The following LMX1B variants were observed in gnomAD, a reference collection of about 807,000 sequenced individuals.
The protein encoded by LMX1B is LIM homeobox transcription factor 1-beta.
A neutral mutation model predicts 51.4 loss-of-function variants in LMX1B; 12 were observed. The ratio of observed to expected loss-of-function variants is 0.23; its 90% CI spans 0.15 to 0.38. The LOEUF (loss-of-function observed/expected upper bound fraction) is 0.38, where lower values mean the gene tolerates loss of function less well. LMX1B is among the 10% of genes least tolerant of loss of function. The pLI is 1.00. For synonymous variants in LMX1B, 237 were observed against 235.4 expected (o/e 1.01, Z -0.06); for missense variants, 445 against 571.1 (o/e 0.78, Z 2.25).
chr9:126,697,079 C>T lies in LMX1B; in HGVS notation c.*628C>T, dbSNP rs1344881492. The T allele has an allele frequency of 4.4e-5, 7 of 158,624 alleles. No individual in the cohort carries two copies. The highest frequency in any genetic ancestry group is 1.9e-4 in the East Asian group (1 of 5,336). The allele number at this position is 158,624 out of a possible 1,614,324, so 9.8% of individuals were successfully genotyped here. On this transcript the variant is annotated 3_prime_UTR_variant, in exon 8 of 8. Transcript: ENST00000373474. Reference sequence around the variant, plus strand: ...ACATGCACACTTGCAGACAAACCCACGCAAACACACACACAGCTGTATGGG... The same window carrying T: ...ACATGCACACTTGCAGACAAACCCATGCAAACACACACACAGCTGTATGGG...
intron 2 of LMX1B, among the ~76,000 whole-genome samples, chr9:126,683,527 C>A (rs1836716413): frequency 6.6e-6 from 1 of 152,210 alleles, no homozygotes; most frequent in Non-Finnish European, 1.5e-5. Flanking sequence ...AGCCGTGACC[C>A]CCAGAGTGTC....
chr9:126,619,859 G>A (rs974231110), intron 2 of LMX1B, among the ~76,000 whole-genome samples: 3 of 152,172 alleles, frequency 2.0e-5, no homozygotes, highest in Non-Finnish European at 4.4e-5. Flanking sequence ...TGGGGTATGT[G>A]ATTGGTGACT....
chr9:126,675,901 T>C (rs2118955516), intron 2 of LMX1B, among the ~76,000 whole-genome samples: 1 of 149,022 alleles, frequency 6.7e-6, no homozygotes, highest in Non-Finnish European at 1.5e-5. Flanking sequence ...TACAAAAAAT[T>C]AGCCGGGCGT....
Position 126,641,811 on chromosome 9 carries a change from A to G in LMX1B, c.326+26242A>G, listed in dbSNP as rs1835813791. ...CACACAGCTGCTGTCCACAGCACCC[A>G]GCCTCTTGCCACTCACGCGTGAGCA... is the stretch of plus-strand genomic sequence containing the variant. On this transcript the variant is annotated intron_variant, in intron 2 of 7. Transcript: ENST00000373474. This position sits in a 1 kb window ranked among gnomAD's most constrained non-coding sequence, Gnocchi z 4.1. Among the ~76,000 whole-genome samples, 1 of 152,196 alleles carries G rather than the reference A, an allele frequency of 6.6e-6. No homozygotes were observed. The highest frequency in any genetic ancestry group is 1.5e-5 in the Non-Finnish European group (1 of 68,028).
intron 2 of LMX1B, among the ~76,000 whole-genome samples, chr9:126,636,301 A>T (rs1835712167): frequency 6.6e-6 from 1 of 152,038 alleles, no homozygotes; most frequent in Admixed American, 6.6e-5. Flanking sequence ...ACCCAGACTT[A>T]GGGGCTGGAA....
At chr9:126,652,059 C>A (rs568813275) in intron 2 of LMX1B, among the ~76,000 whole-genome samples, 19 of 150,990 alleles carry the variant, frequency 1.3e-4, no homozygotes, top group African/African-American at 4.6e-4. Context: ...ACAGCCAGGA[C>A]CCTTGAGGCA....
At chr9:126,646,838 G>A (rs72760798) in intron 2 of LMX1B, among the ~76,000 whole-genome samples, 23,142 of 152,126 alleles carry the variant, frequency 0.15, 1,981 homozygotes, top group Middle Eastern at 0.21. Context: ...CTCTGGAATC[G>A]CTAAGGTACA....
chr9:126,644,174 C>T (rs974874433), intron 2 of LMX1B, among the ~76,000 whole-genome samples: 4 of 152,166 alleles, frequency 2.6e-5, no homozygotes, highest in Non-Finnish European at 4.4e-5. Flanking sequence ...GTGTCCTGTG[C>T]CCCCACCGGG....
Position 126,639,337 on chromosome 9 carries a change from C to G in LMX1B, c.326+23768C>G, listed in dbSNP as rs376119372. 7.2e-5 allele frequency among the ~76,000 whole-genome samples: 11 copies of G among 152,300 alleles called. No individual in the cohort carries two copies. The East Asian group carries it at 1.2e-3, about 16-fold the overall frequency. ...GCTCGGTAATGGGGCTCCCAGCCAG[C>G]CTGCCCCTCCATCATCTGTCTGGCC... is the stretch of plus-strand genomic sequence containing the variant. On this transcript the variant is annotated intron_variant, in intron 2 of 7. Transcript: ENST00000373474.
chr9:126,655,705 G>A (rs1818630956), intron 2 of LMX1B, among the ~76,000 whole-genome samples: 1 of 152,210 alleles, frequency 6.6e-6, no homozygotes, highest in Non-Finnish European at 1.5e-5. Context: ...CAATGATACT[G>A]TTTGTTTTGT....
intron 2 of LMX1B, among the ~76,000 whole-genome samples, chr9:126,647,177 C>T (rs1397724584): frequency 6.6e-6 from 1 of 151,880 alleles, no homozygotes; most frequent in Non-Finnish European, 1.5e-5. Flanking sequence ...ATAGCCACTG[C>T]ACTCCAGCCT....
chr9:126,660,884 T>C (rs1395267356), intron 2 of LMX1B, among the ~76,000 whole-genome samples: 4 of 152,184 alleles, frequency 2.6e-5, no homozygotes, highest in African/African-American at 9.7e-5. Context: ...AAACAGGCAG[T>C]GACAGGGCAT....
chr9:126,687,291 C>T (rs547878188), intron 2 of LMX1B, among the ~76,000 whole-genome samples: 1 of 151,722 alleles, frequency 6.6e-6, no homozygotes, highest in African/African-American at 2.4e-5. Flanking sequence ...TGCAGTGGTG[C>T]GGTCTTGGCT....
chr9:126,688,979 C>T (rs963309933), intron 2 of LMX1B, among the ~76,000 whole-genome samples: 1 of 152,236 alleles, frequency 6.6e-6, no homozygotes, highest in Admixed American at 6.5e-5. Flanking sequence ...GTTACATGCT[C>T]AGCATCCTCG....
Position 126,673,389 on chromosome 9 carries a change from G to A in LMX1B, c.327-17447G>A, listed in dbSNP as rs992027387. ...GCCCCACAAACAACTCCGCACCAGG[G>A]AGCTGGGCAGATCTGAGAGCCGCAC... On this transcript the variant is annotated intron_variant, in intron 2 of 7. Coordinates refer to ENST00000373474, the MANE Select transcript of LMX1B (RefSeq NM_001174147.2). This position sits in a 1 kb window ranked among gnomAD's most constrained non-coding sequence, Gnocchi z 4.4. Among the ~76,000 whole-genome samples, 2 of 152,166 alleles carry A rather than the reference G, an allele frequency of 1.3e-5. No homozygotes were observed. Among genetic ancestry groups the A allele is most frequent in the Non-Finnish European group, 2.9e-5 (2 of 68,016 alleles).
rs1244659568 is a variant in LMX1B, at chr9:126,614,536, G to T, written c.87G>T (p.Lys29Asn). ...TDCAKMLDGI[K>N]MEEHALRPGP... ...GCGCCAAGATGTTGGACGGCATCAAGATGGAGGAGCACGCCCTGCGCCCCG... is the reference window on the plus strand; with the variant it reads ...GCGCCAAGATGTTGGACGGCATCAATATGGAGGAGCACGCCCTGCGCCCCG... Residue 29 changes from lysine to asparagine, a missense_variant, in exon 1 of 8, where the codon AAG becomes AAT. Coordinates refer to ENST00000373474, the MANE Select transcript of LMX1B (RefSeq NM_001174147.2). 6.2e-7 allele frequency: 1 copy of T among 1,606,224 alleles called. No individual in the cohort carries two copies. The highest frequency in any genetic ancestry group is 1.3e-5 in the African/African-American group (1 of 74,862).
chr9:126,696,288 C>T lies in LMX1B; in HGVS notation c.1052-6C>T. On this transcript the variant is annotated splice_region_variant and splice_polypyrimidine_tract_variant and intron_variant, in intron 7 of 7. Transcript: ENST00000373474. ...CCCCGGTCCTGACACCCCTTCTGCC[C>T]CCCAGGGAACGACTCCATCTTCCAT... 6.2e-7 allele frequency: 1 copy of T among 1,613,972 alleles called. No homozygotes were observed. The highest frequency in any genetic ancestry group is 8.5e-7 in the Non-Finnish European group (1 of 1,179,882).
chr9:126,678,376 A>C (rs1042967277), intron 2 of LMX1B, among the ~76,000 whole-genome samples: 4 of 151,950 alleles, frequency 2.6e-5, no homozygotes, highest in Admixed American at 6.5e-5. Context: ...ACAGGAGCCT[A>C]ACCAAGAAAG....
In LMX1B at chr9:126,693,755, C is replaced by G; in HGVS notation, c.829C>G (p.Leu277Val). Residue 277 changes from leucine to valine, a missense_variant, in exon 6 of 8, where the codon CTG (leucine) becomes GTG (valine). Transcript: ENST00000373474. ...TGCGCTCTCCCTGCAGATGAAGAAG[C>G]TGGCGCGGCGGCACCAGCAGCAGCA... ...FQNQRAKMKK[L>V]ARRHQQQQEQ... is the part of the protein sequence containing the mutation. 1 of 1,550,106 alleles carries G rather than the reference C, an allele frequency of 6.5e-7. No homozygotes were observed. Among genetic ancestry groups the G allele is most frequent in the Non-Finnish European group, 8.7e-7 (1 of 1,147,618 alleles).
Sources: allele counts gnomAD v4.1 joint callset (sites outside exome capture counted in the v4.1 genomes callset), GRCh38; gene constraint gnomAD v4.1.1; non-coding constraint Gnocchi (gnomAD v3.1); transcripts MANE v1.5; gene names NCBI Gene and HGNC (gene_info 2026-07-23, HGNC 2026-07-21).